Variants in ANKRD11 observed in about 807,000 individuals in gnomAD.
The protein encoded by ANKRD11 is ankyrin repeat domain 11.
A neutral mutation model predicts 195.7 loss-of-function variants in ANKRD11; 17 were observed. The ratio of observed to expected loss-of-function variants is 0.09; its 90% CI spans 0.06 to 0.13. The LOEUF (loss-of-function observed/expected upper bound fraction) is 0.13, where lower values mean the gene tolerates loss of function less well. Among genes scored for constraint, ANKRD11 ranks in the 10% least tolerant of loss-of-function variants. The probability of loss-of-function intolerance (pLI) is 1.00; values close to 1 mark genes in which losing one functional copy is unlikely to be tolerated. For synonymous variants in ANKRD11, 1,953 were observed against 1,528.1 expected, an observed-to-expected ratio of 1.28 and a Z score of -6.49; for missense variants, 3,735 against 3,566.1, an observed-to-expected ratio of 1.05 and a Z score of -1.21.
intron 1 of ANKRD11, among the ~76,000 whole-genome samples, chr16:89,463,530 C>T (rs2056776004): frequency 6.6e-6 from 1 of 152,312 alleles, no homozygotes; most frequent in African/African-American, 2.4e-5. Flanking sequence ...GACACAAACA[C>T]TGCGGAAGGC....
At chr16:89,428,254 G>C (rs535478976) in intron 1 of ANKRD11, among the ~76,000 whole-genome samples, 4 of 148,638 alleles carry the variant, frequency 2.7e-5, no homozygotes, top group Non-Finnish European at 5.9e-5. Context: ...GGCCGGGCAC[G>C]GTGGTTCACG....
rs920780925 is a variant in ANKRD11, at chr16:89,324,347, G to A, written c.-59-7269C>T. 34 of 1,127,818 alleles carry A rather than the reference G, an allele frequency of 3.0e-5. No individual in the cohort carries two copies. In the Admixed American group the frequency reaches 6.9e-4, roughly 23 times the overall value. The allele number at this position is 1,127,818 out of a possible 1,614,324, so 69.9% of individuals were successfully genotyped here. A position where few individuals can be genotyped will look rare whatever the true frequency, so the allele number is the denominator to read the frequency against. ...GTCGGGGCGACGTGGGTGCCTCACA[G>A]AAGAGGGAAAAAGCCAGGAGGGCGG... On this transcript the variant is annotated intron_variant, in intron 2 of 12. Coordinates refer to ENST00000301030, the MANE Select transcript of ANKRD11 (RefSeq NM_013275.6).
chr16:89,305,688 GCCAC>G (rs1261413973), intron 3 of ANKRD11, among the ~76,000 whole-genome samples: 1 of 28,692 alleles, frequency 3.5e-5, no homozygotes, highest in African/African-American at 1.3e-4. Flanking sequence ...GCAGACACGC[GCCAC>G]CTCCCACTCC....
At chr16:89,317,686 C>CCT (rs1444503441) in intron 2 of ANKRD11, among the ~76,000 whole-genome samples, 1 of 152,236 alleles carries the variant, frequency 6.6e-6, no homozygotes, top group Non-Finnish European at 1.5e-5. Context: ...GCAGACGCCC[C>CCT]CTCGGGCCTC....
intron 1 of ANKRD11, among the ~76,000 whole-genome samples, chr16:89,457,956 C>T (rs544880300): frequency 6.6e-6 from 1 of 152,252 alleles, no homozygotes; most frequent in African/African-American, 2.4e-5. Flanking sequence ...GACGGCACCT[C>T]GCAATGACTT....
At chr16:89,330,046 T>G (rs896115344) in intron 2 of ANKRD11, among the ~76,000 whole-genome samples, 2 of 149,086 alleles carry the variant, frequency 1.3e-5, no homozygotes, top group Non-Finnish European at 3.0e-5. Context: ...AACATAAAAT[T>G]TTGTTTATGT....
Position 89,284,116 on chromosome 16 carries a change from C to T in ANKRD11, c.2426G>A (p.Arg809Lys), listed in dbSNP as rs79174195. The T allele has an allele frequency of 3.1e-6, 5 of 1,611,132 alleles. No individual in the cohort carries two copies. In the Admixed American group the frequency reaches 6.7e-5, roughly 22 times the overall value. The change falls in exon 9 of 13, where the codon AGG (arginine) becomes AAG (lysine). Residue 809 changes from arginine to lysine, a missense_variant. Coordinates refer to ENST00000301030, the MANE Select transcript of ANKRD11 (RefSeq NM_013275.6). ...ATATTCGTCAAAAGCAGAATCTTCC[C>T]TATAAACCTTTTCTTTTTTGAGTTT... ...KEKLKKEKVYREDSAFDEYCN... is the reference protein window; with the variant it reads ...KEKLKKEKVYKEDSAFDEYCN...
chr16:89,468,935 T>C (rs1183828270), intron 1 of ANKRD11, among the ~76,000 whole-genome samples: 6 of 152,142 alleles, frequency 3.9e-5, no homozygotes, highest in African/African-American at 1.4e-4. Context: ...AACCAAATGA[T>C]AAATAAATGT....
chr16:89,433,155 G>A (rs1399383545), intron 1 of ANKRD11, among the ~76,000 whole-genome samples: 1 of 152,184 alleles, frequency 6.6e-6, no homozygotes, highest in Non-Finnish European at 1.5e-5. Flanking sequence ...ATAAGATGTA[G>A]TTTATGGACA....
In ANKRD11 at chr16:89,283,522, C is replaced by T. The variant is rs919092415; in HGVS notation, c.3020G>A (p.Arg1007Gln). 5.6e-6 allele frequency: 9 copies of T among 1,613,466 alleles called. No individual in the cohort carries two copies. Among genetic ancestry groups the T allele is most frequent in the African/African-American group, 1.3e-5 (1 of 74,936 alleles). The part of the protein sequence containing the change: ...LEPWERHHPA[R>Q]EKEKKDGPDK... ...GGGGCCATCCTTCTTCTCCTTCTCT[C>T]GTGCTGGGTGGTGCCGTTCCCACGG... Residue 1007 changes from arginine to glutamine, a missense_variant, in exon 9 of 13, where the codon CGA becomes CAA. Physicochemically the swap from Arg to Gln is conservative, Grantham distance 43. Coordinates refer to ENST00000301030, the MANE Select transcript of ANKRD11 (RefSeq NM_013275.6). This position sits in a 1 kb window ranked among gnomAD's most constrained non-coding sequence, Gnocchi z 4.3.
intron 2 of ANKRD11, 91 bp downstream of exon 2, chr16:89,418,193 C>T (rs1024527031): frequency 6.9e-6 from 3 of 431,992 alleles, no homozygotes; most frequent in African/African-American, 6.1e-5. Context: ...TCCAAGAAAA[C>T]CAACCTGGAC....
chr16:89,486,687 T>C (rs189813184), intron 1 of ANKRD11, among the ~76,000 whole-genome samples: 11 of 152,164 alleles, frequency 7.2e-5, no homozygotes, highest in Non-Finnish European at 1.3e-4. Flanking sequence ...TAGGCCACAG[T>C]CACCATTTGG....
At chr16:89,353,413 A>T (rs964802377) in intron 2 of ANKRD11, among the ~76,000 whole-genome samples, 2 of 152,168 alleles carry the variant, frequency 1.3e-5, no homozygotes, top group African/African-American at 4.8e-5. Context: ...AGAGGATCTC[A>T]AAAGTAGAGC....
intron 9 of ANKRD11, among the ~76,000 whole-genome samples, 163 bp from the exon 10 acceptor site, chr16:89,275,354 G>T (rs973237983): frequency 1.3e-5 from 2 of 152,248 alleles, no homozygotes; most frequent in African/African-American, 4.8e-5. Context: ...GAAGCTTCTA[G>T]AAACCACTAT....
intron 2 of ANKRD11, among the ~76,000 whole-genome samples, chr16:89,409,552 G>A (rs763608997): frequency 6.6e-6 from 1 of 152,172 alleles, no homozygotes; most frequent in South Asian, 2.1e-4. Flanking sequence ...TGCGACTCAC[G>A]CCTGTAATCA....
chr16:89,476,367 A>G (rs1186422259), intron 1 of ANKRD11, among the ~76,000 whole-genome samples: 3 of 152,238 alleles, frequency 2.0e-5, no homozygotes, highest in Admixed American at 6.5e-5. Context: ...CAGACTGTTA[A>G]CGTGTCCTAT....
chr16:89,311,278 G>T (rs1031316320), intron 3 of ANKRD11, among the ~76,000 whole-genome samples: 7 of 152,182 alleles, frequency 4.6e-5, no homozygotes, highest in African/African-American at 1.4e-4. Flanking sequence ...ATAAGCTGAT[G>T]AATTCAATTT....
intron 9 of ANKRD11, chr16:89,278,183 C>G: frequency 3.3e-6 from 1 of 305,536 alleles, no homozygotes; most frequent in Non-Finnish European, 6.4e-6. Context: ...CTGGATGGAC[C>G]CTGGGGGGCC....
chr16:89,444,555 C>T (rs1462376337), intron 1 of ANKRD11, among the ~76,000 whole-genome samples: 2 of 152,114 alleles, frequency 1.3e-5, no homozygotes, highest in Non-Finnish European at 2.9e-5. Context: ...ACCTGAAATC[C>T]AATCATCAAA....
Sources: allele counts gnomAD v4.1 joint callset (sites outside exome capture counted in the v4.1 genomes callset), GRCh38; gene constraint gnomAD v4.1.1; non-coding constraint Gnocchi (gnomAD v3.1); transcripts MANE v1.5; gene names NCBI Gene and HGNC (gene_info 2026-07-23, HGNC 2026-07-21).